The following ITPR2 variants were observed in gnomAD, a reference collection of about 807,000 sequenced individuals.
The protein encoded by ITPR2 is inositol 1,4,5-trisphosphate-gated calcium channel ITPR2.
A neutral mutation model predicts 317.1 loss-of-function variants in ITPR2; 207 were observed. The observed-to-expected ratio is 0.65, with a 90% CI of 0.58 to 0.73. The LOEUF is 0.73. Among genes scored for constraint, ITPR2 ranks in the 30% least tolerant of loss-of-function variants. The pLI, the probability that ITPR2 is intolerant of heterozygous loss-of-function variation, is 0.00. For missense variants in ITPR2, 2,613 were observed against 3,284.0 expected, an observed-to-expected ratio of 0.80 and a Z score of 4.99; for synonymous variants, 1,156 against 1,149.1, an observed-to-expected ratio of 1.01 and a Z score of -0.12.
chr12:26,715,314 T>C lies in ITPR2; in HGVS notation c.840A>G (p.Ala280=). 1 of 1,612,270 alleles carries C rather than the reference T, an allele frequency of 6.2e-7. No homozygotes were observed. The highest frequency in any genetic ancestry group is 8.5e-7 in the Non-Finnish European group (1 of 1,179,156). The change falls in exon 8 of 57, where the codon GCA becomes GCG. Residue 280 remains alanine (A), a synonymous_variant. Transcript: ENST00000381340. The stretch of plus-strand genomic sequence containing the variant: ...ATTTACATACCTCTATTTCCCAGAG[T>C]GCTTTAGAACTAGTAGCAGAAGTAG... The part of the protein sequence containing the change: ...QSATSATSSK[A]LWEIEVVHHD...
intron 47 of ITPR2, among the ~76,000 whole-genome samples, chr12:26,436,812 C>G (rs577177396): frequency 6.6e-6 from 1 of 152,286 alleles, no homozygotes; most frequent in South Asian, 2.1e-4. Context: ...ATGAAAATTC[C>G]TATGACAGTC....
At chr12:26,805,054 C>A (rs1242901045) in intron 1 of ITPR2, among the ~76,000 whole-genome samples, 2 of 152,060 alleles carry the variant, frequency 1.3e-5, no homozygotes, top group Non-Finnish European at 2.9e-5. Context: ...TAATTCTAAT[C>A]CCTAATCCTT....
At chr12:26,619,012 C>T (rs1040862775) in intron 26 of ITPR2, among the ~76,000 whole-genome samples, 1 of 152,052 alleles carries the variant, frequency 6.6e-6, no homozygotes, top group South Asian at 2.1e-4. Context: ...GGAGGGAGCA[C>T]ATCAACTTCT....
At chr12:26,467,975 C>T (rs576172967) in intron 45 of ITPR2, among the ~76,000 whole-genome samples, 1 of 152,210 alleles carries the variant, frequency 6.6e-6, no homozygotes, top group South Asian at 2.1e-4. Context: ...CTCCTGGGTG[C>T]CCAGATTTTG....
In ITPR2 at chr12:26,336,039, T is replaced by A. The variant is rs905198982; in HGVS notation, c.*3358A>T. 1 of 152,202 alleles carries A rather than the reference T, an allele frequency of 6.6e-6. No individual in the cohort carries two copies. The highest frequency in any genetic ancestry group is 6.5e-5 in the Admixed American group (1 of 15,270). 9.4% of individuals were successfully genotyped at this position (152,202 alleles called of 1,614,324 possible). On this transcript the variant is annotated 3_prime_UTR_variant, in exon 57 of 57. Transcript: ENST00000381340. ...GCATGGGTGAGGGGTATCTCTGGGG[T>A]CCATCAACTATTACATCATGATGCC...
At chr12:26,339,540 G>A in intron 56 of ITPR2, 57 bp from the exon 57 acceptor site, 1 of 1,362,474 alleles carries the variant, frequency 7.3e-7, no homozygotes, top group Non-Finnish European at 1.0e-6. Context: ...ACCCAGTGCT[G>A]GTGGGCCACA....
At chr12:26,468,788 AC>A (rs1437118471) in intron 45 of ITPR2, among the ~76,000 whole-genome samples, 2 of 152,190 alleles carry the variant, frequency 1.3e-5, no homozygotes, top group Admixed American at 6.5e-5. Flanking sequence ...CATTTGTGCA[AC>A]ATTTGTTAAG....
At position 26,336,486 on chromosome 12, in the gene ITPR2, A is replaced by T. The variant is rs950485121; in HGVS notation, c.*2911T>A. 6 of 152,150 alleles carry T rather than the reference A, an allele frequency of 3.9e-5. No homozygotes were observed. The highest frequency in any genetic ancestry group is 7.4e-5 in the Non-Finnish European group (5 of 68,020). 9.4% of individuals were successfully genotyped at this position (152,150 alleles called of 1,614,324 possible). On this transcript the variant is annotated 3_prime_UTR_variant, in exon 57 of 57. Transcript: ENST00000381340. The stretch of plus-strand genomic sequence containing the variant: ...AGAAAATAAGCTTATTTCTAACTTA[A>T]TTTTTTAAGGGGTAGAAAATATGAT...
intron 55 of ITPR2, among the ~76,000 whole-genome samples, chr12:26,370,944 A>C (rs1187455742): frequency 6.6e-6 from 1 of 152,232 alleles, no homozygotes; most frequent in Non-Finnish European, 1.5e-5. Context: ...AAGTGCTGGG[A>C]TTACAGGCGT....
intron 27 of ITPR2, 52 bp downstream of exon 27, chr12:26,602,565 T>A: frequency 6.4e-7 from 1 of 1,566,180 alleles, no homozygotes; most frequent in Non-Finnish European, 8.8e-7. Context: ...TAAGCAAAAC[T>A]TATTTGGCAT....
intron 22 of ITPR2, among the ~76,000 whole-genome samples, chr12:26,628,667 T>C (rs1456613297): frequency 6.6e-6 from 1 of 152,210 alleles, no homozygotes; most frequent in East Asian, 1.9e-4. Flanking sequence ...CACTGGTGTT[T>C]GTGTTTCCTT....
At chr12:26,522,903 C>T (rs1246650873) in intron 37 of ITPR2, among the ~76,000 whole-genome samples, 2 of 152,168 alleles carry the variant, frequency 1.3e-5, no homozygotes, top group Admixed American at 6.5e-5. Context: ...TACCTAAAAT[C>T]GCAAAAGAAC....
chr12:26,423,281 T>G (rs1473445898), intron 49 of ITPR2, among the ~76,000 whole-genome samples: 1 of 152,172 alleles, frequency 6.6e-6, no homozygotes, highest in Non-Finnish European at 1.5e-5. Context: ...GAACATATGG[T>G]GGAACTCGAC....
At chr12:26,492,919 GTATA>G (rs150335068) in intron 39 of ITPR2, among the ~76,000 whole-genome samples, 34,185 of 143,786 alleles carry the variant, frequency 0.24, 4,451 homozygotes, top group Non-Finnish European at 0.3. Context: ...GTGTGTGTGT[GTATA>G]TATATATATA....
chr12:26,729,165 C>G (rs1045052540), intron 2 of ITPR2, among the ~76,000 whole-genome samples: 4 of 152,096 alleles, frequency 2.6e-5, no homozygotes, highest in Admixed American at 2.0e-4. Flanking sequence ...TGAACAGACA[C>G]TTTTCAAAAG....
chr12:26,640,892 C>T (rs1293435405), intron 21 of ITPR2, among the ~76,000 whole-genome samples: 1 of 152,088 alleles, frequency 6.6e-6, no homozygotes. Flanking sequence ...GAAGGAGATA[C>T]AATTGCTTAG....
rs1244009184 is a variant in ITPR2, at chr12:26,722,276, T to G, written c.525+121A>C. 2.2e-5 allele frequency: 18 copies of G among 809,518 alleles called. No individual in the cohort carries two copies. In the Admixed American group the frequency reaches 4.8e-4, roughly 22 times the overall value. The allele number at this position is 809,518 out of a possible 1,614,324, so 50.1% of individuals were successfully genotyped here. On this transcript the variant is annotated intron_variant, in intron 5 of 56. Transcript: ENST00000381340. Reference sequence around the variant, plus strand: ...ATGTTTAACCTAGTAGATACTAACATAAAAATCAGGTATTGAGTAAAAACT... The same window carrying G: ...ATGTTTAACCTAGTAGATACTAACAGAAAAATCAGGTATTGAGTAAAAACT...
intron 21 of ITPR2, among the ~76,000 whole-genome samples, chr12:26,635,095 T>C (rs535369730): frequency 1.3e-5 from 2 of 152,302 alleles, no homozygotes; most frequent in South Asian, 4.1e-4. Flanking sequence ...TCTTTGATTG[T>C]TCCAGTGAGC....
At chr12:26,709,643 C>G (rs1390843528) in intron 9 of ITPR2, among the ~76,000 whole-genome samples, 1 of 152,144 alleles carries the variant, frequency 6.6e-6, no homozygotes, top group Non-Finnish European at 1.5e-5. Context: ...TGTCAGTTTT[C>G]TACAGCACAT....
Sources: allele counts gnomAD v4.1 joint callset (sites outside exome capture counted in the v4.1 genomes callset), GRCh38; gene constraint gnomAD v4.1.1; transcripts MANE v1.5; gene names NCBI Gene and HGNC (gene_info 2026-07-23, HGNC 2026-07-21).